The following MAPT variants were observed in gnomAD, a reference collection of about 807,000 sequenced individuals.
The protein encoded by MAPT is microtubule-associated protein tau.
Under a neutral mutation model 67.9 loss-of-function variants are expected in MAPT, and 34 were observed. The ratio of observed to expected loss-of-function variants is 0.50; its 90% CI spans 0.38 to 0.67. MAPT has a LOEUF of 0.67. Ranked by LOEUF, MAPT falls within the 30% of genes least tolerant of loss-of-function variation. The probability of loss-of-function intolerance (pLI) is 0.00; values close to 1 mark genes in which losing one functional copy is unlikely to be tolerated. For synonymous variants in MAPT, 456 were observed against 464.5 expected (o/e 0.98, Z 0.23); for missense variants, 881 against 1,115.2 (o/e 0.79, Z 2.99).
chr17:45,941,693 T>TC (rs879239988), intron 1 of MAPT, among the ~76,000 whole-genome samples: 1 of 73,912 alleles, frequency 1.4e-5, no homozygotes, highest in African/African-American at 6.8e-5. Context: ...CTTCCTTCCT[T>TC]CCTTCCTGCC....
At position 45,903,935 on chromosome 17, in the gene MAPT, T is replaced by TA. The variant is rs1491493983; in HGVS notation, c.-18+9249_-18+9250insA. Among the ~76,000 whole-genome samples the TA allele has an allele frequency of 1.4e-3, 36 of 25,634 alleles. 1 individual carries two copies. The highest frequency in any genetic ancestry group is 0.013 in the East Asian group (9 of 676). The allele number at this position is 25,634 out of a possible 152,430, so 16.8% of individuals were successfully genotyped here. A position where few individuals can be genotyped will look rare whatever the true frequency, so the allele number is the denominator to read the frequency against. ...ATTATATATTTATATATATTATATA[T>TA]TTATATATAATATATATTATATATT... On this transcript the variant is annotated intron_variant, in intron 1 of 12. Coordinates refer to ENST00000262410, the MANE Select transcript of MAPT (RefSeq NM_001377265.1).
chr17:45,902,321 C>T (rs926920540), intron 1 of MAPT, among the ~76,000 whole-genome samples: 2 of 152,152 alleles, frequency 1.3e-5, no homozygotes, highest in Admixed American at 6.5e-5. Flanking sequence ...CCACCCACCT[C>T]GGCCTCCCAA....
At chr17:45,954,259 G>A (rs946665783) in intron 1 of MAPT, among the ~76,000 whole-genome samples, 6 of 152,084 alleles carry the variant, frequency 3.9e-5, no homozygotes, top group African/African-American at 9.7e-5. Context: ...CTGCTTTCCC[G>A]CTACAATTAC....
chr17:45,991,490 C>T lies in MAPT; in HGVS notation c.1636C>T (p.Pro546Ser). The T allele has an allele frequency of 6.2e-7, 1 of 1,614,214 alleles. No individual in the cohort carries two copies. Among genetic ancestry groups the T allele is most frequent in the Non-Finnish European group, 8.5e-7 (1 of 1,180,026 alleles). ...TGATGGTAAAACGAAGATCGCCACA[C>T]CGCGGGGAGCAGCCCCTCCAGGCCA... ...GADGKTKIATPRGAAPPGQKG... is the reference protein window; with the variant it reads ...GADGKTKIATSRGAAPPGQKG... Residue 546 changes from proline to serine, a missense_variant, in exon 8 of 13, where the codon CCG becomes TCG. Pro to Ser is a moderately conservative substitution (Grantham distance 74). Around this residue, in one of 6 missense-constraint regions of MAPT, gnomAD observed 687 missense variants for 766.1 expected, o/e 0.90. Coordinates refer to ENST00000262410, the MANE Select transcript of MAPT (RefSeq NM_001377265.1).
Position 45,921,000 on chromosome 17 carries a change from A to G in MAPT, c.-18+26314A>G, listed in dbSNP as rs2065660027. Among the ~76,000 whole-genome samples the G allele has an allele frequency of 2.0e-5, 3 of 152,238 alleles. No individual in the cohort carries two copies. In the South Asian group the frequency reaches 6.2e-4, roughly 31 times the overall value. ...GCACAATTGTTGTACAGCATGATGA[A>G]CAAGTCATTAATAGTAAAGAATAAA... On this transcript the variant is annotated intron_variant, in intron 1 of 12. Transcript: ENST00000262410.
chr17:45,904,338 A>ATATATATTAAATATATTT (rs1555674387), intron 1 of MAPT, among the ~76,000 whole-genome samples: 6 of 62,418 alleles, frequency 9.6e-5, no homozygotes, highest in Admixed American at 2.9e-4. Context: ...ATTATATATT[A>ATATATATTAAATATATTT]TATATATATT....
intron 1 of MAPT, among the ~76,000 whole-genome samples, chr17:45,938,332 A>G (rs1041777331): frequency 8.5e-5 from 13 of 152,312 alleles, no homozygotes; most frequent in Admixed American, 6.5e-4. Context: ...TTCTATAGCT[A>G]TAGTCAGAAA....
At chr17:45,985,202 G>A (rs1169980040) in intron 5 of MAPT, among the ~76,000 whole-genome samples, 8 of 152,082 alleles carry the variant, frequency 5.3e-5, no homozygotes, top group Non-Finnish European at 1.2e-4. Context: ...CTACTGGGGA[G>A]GCTGAAGCAG....
rs11872014 is a variant in MAPT, at chr17:45,962,292, G to A, written c.-17-29G>A. 3.7e-3 allele frequency: 5,858 copies of A among 1,604,704 alleles called. 21 individuals are homozygous for A. Among genetic ancestry groups the A allele is most frequent in the Middle Eastern group, 0.021 (95 of 4,424 alleles). On this transcript the variant is annotated intron_variant, in intron 1 of 12. Transcript: ENST00000262410. ...CCACTCTGCCCCCCAACACTCCTCA[G>A]AACTTATCCTCTCCTCTTCTTTCCC...
intron 9 of MAPT, among the ~76,000 whole-genome samples, chr17:45,998,420 C>T (rs920325134): frequency 1.3e-4 from 20 of 152,158 alleles, no homozygotes; most frequent in African/African-American, 2.9e-4. Context: ...GGAGAAGACT[C>T]GGCTGTGCCC....
chr17:45,922,718 TA>T (rs1450635328), intron 1 of MAPT, among the ~76,000 whole-genome samples: 3 of 152,088 alleles, frequency 2.0e-5, no homozygotes, highest in African/African-American at 7.2e-5. Flanking sequence ...AAATGTGGTC[TA>T]AAGATAGGGC....
rs746497810 is a variant in MAPT at position 45,996,661 on chromosome 17, G to C, written c.1995G>C (p.Gly665=). 5 of 1,613,666 alleles carry C rather than the reference G, an allele frequency of 3.1e-6. No individual in the cohort carries two copies. Among genetic ancestry groups the C allele is most frequent in the Non-Finnish European group, 4.2e-6 (5 of 1,179,884 alleles). ...ACCTGAAGCACCAGCCGGGAGGCGG[G>C]AAGGTGAGAGTGGCTGGCTGCGCGT... ...TENLKHQPGG[G]KVQIINKKLD... Residue 665 remains glycine, a synonymous_variant, in exon 9 of 13, where the codon GGG becomes GGC. Transcript: ENST00000262410. The surrounding 1 kb of genome is among the most constrained non-coding windows in gnomAD (Gnocchi z 4.5).
intron 1 of MAPT, among the ~76,000 whole-genome samples, chr17:45,933,059 GC>G (rs766521717): frequency 3.3e-5 from 5 of 151,922 alleles, no homozygotes; most frequent in Non-Finnish European, 7.4e-5. Context: ...TCTAGCCCCA[GC>G]AACAAGAGTG....
At chr17:45,984,372 A>G (rs1053820473) in intron 5 of MAPT, among the ~76,000 whole-genome samples, 3 of 152,252 alleles carry the variant, frequency 2.0e-5, no homozygotes, top group Non-Finnish European at 4.4e-5. Flanking sequence ...GAAGTACAGT[A>G]ACTTGCCGAA....
At position 46,024,112 on chromosome 17, in the gene MAPT, C is replaced by A; in HGVS notation, c.2443C>A (p.Pro815Thr). ...STGSIDMVDS[P>T]QLATLADEVS... ...CGGCAGCATCGACATGGTAGACTCG[C>A]CCCAGCTCGCCACGCTAGCTGACGA... Residue 815 changes from proline (P) to threonine (T), a missense_variant, in exon 13 of 13, where the codon CCC (proline) becomes ACC (threonine). By Grantham distance (38) the Pro-to-Thr change is conservative (BLOSUM62 -1). Around this residue, in one of 6 missense-constraint regions of MAPT, gnomAD observed 79 missense variants for 150.9 expected, o/e 0.52. Coordinates refer to ENST00000262410, the MANE Select transcript of MAPT (RefSeq NM_001377265.1). The A allele has an allele frequency of 6.2e-7, 1 of 1,614,162 alleles. No homozygotes were observed. Among genetic ancestry groups the A allele is most frequent in the Non-Finnish European group, 8.5e-7 (1 of 1,180,024 alleles).
At chr17:46,007,770 A>G (rs1017685731) in intron 9 of MAPT, among the ~76,000 whole-genome samples, 4 of 152,222 alleles carry the variant, frequency 2.6e-5, no homozygotes, top group African/African-American at 9.6e-5. Context: ...AGCCATGTGG[A>G]GAGTTGTACC....
rs911792274 is a variant in MAPT at position 46,010,550 on chromosome 17, G to A, written c.2091+148G>A. On this transcript the variant is annotated intron_variant, in intron 10 of 12. Coordinates refer to ENST00000262410, the MANE Select transcript of MAPT (RefSeq NM_001377265.1). The surrounding 1 kb of genome is among the most constrained non-coding windows in gnomAD (Gnocchi z 4.7). Reference sequence around the variant, plus strand: ...TGCGACCTCTGGGTGAATGTAGCCCGGCTCCCCACATTCCCCCACACGGTC... The same window carrying A: ...TGCGACCTCTGGGTGAATGTAGCCCAGCTCCCCACATTCCCCCACACGGTC... 4 of 706,366 alleles carry A rather than the reference G, an allele frequency of 5.7e-6. No individual in the cohort carries two copies. Among genetic ancestry groups the A allele is most frequent in the South Asian group, 1.5e-5 (1 of 66,316 alleles). The allele number at this position is 706,366 out of a possible 1,614,324, so 43.8% of individuals were successfully genotyped here. A position where few individuals can be genotyped will look rare whatever the true frequency, so the allele number is the denominator to read the frequency against.
At chr17:46,021,368 T>G (rs1038202505) in intron 12 of MAPT, among the ~76,000 whole-genome samples, 1 of 151,984 alleles carries the variant, frequency 6.6e-6, no homozygotes, top group Non-Finnish European at 1.5e-5. Flanking sequence ...GCAGTAAGCT[T>G]CTCTGCTGTT....
chr17:45,939,131 ATT>A (rs898242770), intron 1 of MAPT, among the ~76,000 whole-genome samples: 1 of 151,686 alleles, frequency 6.6e-6, no homozygotes, highest in Non-Finnish European at 1.5e-5. Context: ...ATTTTTAAAT[ATT>A]TTTTTTGTAG....
Sources: gnomAD v4.1 joint callset for allele counts (sites outside exome capture counted in the v4.1 genomes callset) on GRCh38, gnomAD v4.1.1 for gene constraint, gnomAD v4.1.1 regional missense constraint, Gnocchi (gnomAD v3.1) non-coding constraint, MANE v1.5 for transcripts, NCBI Gene and HGNC (gene_info 2026-07-23, HGNC 2026-07-21) for gene names.